The following ARHGAP10 variants were observed in gnomAD, a reference collection of about 807,000 sequenced individuals.
The protein encoded by ARHGAP10 is Rho GTPase activating protein 10.
A neutral mutation model predicts 108.6 loss-of-function variants in ARHGAP10; 87 were observed. The observed-to-expected ratio is 0.80, with a 90% CI of 0.67 to 0.96. The LOEUF is 0.96. Among genes scored for constraint, ARHGAP10 ranks in the 40% least tolerant of loss-of-function variants. ARHGAP10 has a pLI of 0.00. For synonymous variants in ARHGAP10, 347 were observed against 341.1 expected (o/e 1.02, Z -0.19); for missense variants, 939 against 954.5 (o/e 0.98, Z 0.21).
At position 147,737,237 on chromosome 4, in the gene ARHGAP10, G is replaced by A. The variant is rs563937559; in HGVS notation, c.154+4782G>A. Among the ~76,000 whole-genome samples, 6 of 152,106 alleles carry A rather than the reference G, an allele frequency of 3.9e-5. No homozygotes were observed. In the South Asian group the frequency reaches 1.0e-3, roughly 26 times the overall value. ...GCAATCTTGGCTCAGGGCAACCTCC[G>A]TCTCCCGGGTTCAAGTGATTCTTGT... On this transcript the variant is annotated intron_variant, in intron 1 of 22. Transcript: ENST00000336498.
intron 11 of ARHGAP10, among the ~76,000 whole-genome samples, chr4:147,908,030 G>A (rs1005813094): frequency 2.0e-5 from 3 of 152,148 alleles, no homozygotes; most frequent in African/African-American, 7.2e-5. Flanking sequence ...TTTTAGTAGA[G>A]ACAGGGTTTC....
intron 13 of ARHGAP10, among the ~76,000 whole-genome samples, chr4:147,921,752 G>A (rs11939997): frequency 0.14 from 21,073 of 152,004 alleles, 3,221 homozygotes; most frequent in African/African-American, 0.36. Context: ...TCATCCCACC[G>A]TTTTACCTCC....
intron 18 of ARHGAP10, among the ~76,000 whole-genome samples, chr4:147,988,832 G>A (rs1017594446): frequency 2.6e-5 from 4 of 152,174 alleles, no homozygotes; most frequent in African/African-American, 4.8e-5. Flanking sequence ...TGTCAGTGAT[G>A]CTGTGTTCCT....
intron 13 of ARHGAP10, among the ~76,000 whole-genome samples, chr4:147,924,749 G>A (rs901500849): frequency 2.0e-5 from 3 of 151,644 alleles, no homozygotes; most frequent in South Asian, 2.1e-4. Context: ...AACTCTGCCT[G>A]TAACCTCTCT....
intron 18 of ARHGAP10, among the ~76,000 whole-genome samples, chr4:148,018,804 G>A (rs1407727782): frequency 6.6e-6 from 1 of 152,172 alleles, no homozygotes; most frequent in Non-Finnish European, 1.5e-5. Context: ...TGGCAGCAGT[G>A]ACTTTGGAAT....
intron 18 of ARHGAP10, among the ~76,000 whole-genome samples, chr4:148,015,410 A>G (rs760565727): frequency 6.6e-6 from 1 of 152,178 alleles, no homozygotes; most frequent in Admixed American, 6.5e-5. Context: ...CAACTGTGAA[A>G]TAATGGGCTT....
chr4:147,910,119 C>T (rs1048202974), intron 12 of ARHGAP10, among the ~76,000 whole-genome samples: 1 of 151,842 alleles, frequency 6.6e-6, no homozygotes, highest in African/African-American at 2.4e-5. Flanking sequence ...GTGATCCTCC[C>T]ACTTCAGTCT....
intron 10 of ARHGAP10, among the ~76,000 whole-genome samples, chr4:147,882,139 A>G (rs1406291085): frequency 6.6e-6 from 1 of 151,942 alleles, no homozygotes; most frequent in Non-Finnish European, 1.5e-5. Flanking sequence ...TTTAGTTAGG[A>G]GTCATTCTAA....
rs1736827671 is a variant in ARHGAP10, at chr4:147,913,211, TCTTG to T, written c.1228+76_1228+79del. Reference sequence around the variant, plus strand: ...AAATCTAAAAGTCATTAAAAATACTTCTTGCTTTTAAGTGTTACAGAATGAAACG... The same window carrying T: ...AAATCTAAAAGTCATTAAAAATACTTCTTTTAAGTGTTACAGAATGAAACG... On this transcript the variant is annotated intron_variant, in intron 13 of 22. Coordinates refer to ENST00000336498, the MANE Select transcript of ARHGAP10 (RefSeq NM_024605.4). 4 of 1,388,146 alleles carry T rather than the reference TCTTG, an allele frequency of 2.9e-6. No homozygotes were observed. The South Asian group carries it at 3.6e-5, about 12-fold the overall frequency. 86.0% of individuals were successfully genotyped at this position (1,388,146 alleles called of 1,614,324 possible).
chr4:147,884,796 A>G (rs960789898), intron 10 of ARHGAP10, among the ~76,000 whole-genome samples: 2 of 152,230 alleles, frequency 1.3e-5, no homozygotes, highest in Non-Finnish European at 1.5e-5. Flanking sequence ...CAAGAGCCAG[A>G]GAGAGTGGGA....
chr4:147,868,244 T>G (rs28562405), intron 7 of ARHGAP10, among the ~76,000 whole-genome samples: 2 of 107,446 alleles, frequency 1.9e-5, no homozygotes, highest in Non-Finnish European at 3.5e-5. Context: ...GTTTTTTTTG[T>G]TTTTTTTTTT....
chr4:147,793,729 T>G (rs1731211249), intron 1 of ARHGAP10, among the ~76,000 whole-genome samples: 1 of 152,186 alleles, frequency 6.6e-6, no homozygotes, highest in East Asian at 1.9e-4. Context: ...CCATGGATCC[T>G]CCTCTGCTGA....
intron 18 of ARHGAP10, among the ~76,000 whole-genome samples, chr4:147,990,076 T>C (rs546089077): frequency 3.9e-5 from 6 of 152,246 alleles, no homozygotes; most frequent in Admixed American, 1.3e-4. Context: ...TTCAGCCTTC[T>C]GCCTGAATGA....
intron 3 of ARHGAP10, among the ~76,000 whole-genome samples, chr4:147,825,849 CTT>C (rs775634281): frequency 2.4e-4 from 36 of 152,262 alleles, no homozygotes; most frequent in Non-Finnish European, 3.7e-4. Context: ...CTATTGATCT[CTT>C]TTTATGTTCC....
chr4:147,855,655 A>G (rs1734055056), intron 4 of ARHGAP10, among the ~76,000 whole-genome samples: 1 of 151,790 alleles, frequency 6.6e-6, no homozygotes, highest in Non-Finnish European at 1.5e-5. Flanking sequence ...TTTTGGTAAG[A>G]AAACTTAGGT....
At position 147,946,010 on chromosome 4, in the gene ARHGAP10, C is replaced by T. The variant is rs182145324; in HGVS notation, c.1304-607C>T. ...GTAGCTCCACCCTGTTCCCCCAGTG[C>T]GCGTGTGGGCCCTTAGTCTAAGCCA... On this transcript the variant is annotated intron_variant, in intron 14 of 22. Transcript: ENST00000336498. 5.9e-5 allele frequency among the ~76,000 whole-genome samples: 9 copies of T among 152,284 alleles called. No individual in the cohort carries two copies. The East Asian group carries it at 9.6e-4, about 16-fold the overall frequency.
intron 22 of ARHGAP10, among the ~76,000 whole-genome samples, chr4:148,068,730 T>C (rs1027436940): frequency 5.3e-5 from 8 of 152,216 alleles, no homozygotes; most frequent in African/African-American, 1.9e-4. Flanking sequence ...AGCCTCCCTG[T>C]GGGTCCTGTG....
rs150971337 is a variant in ARHGAP10 at position 147,752,625 on chromosome 4, T to G, written c.154+20170T>G. On this transcript the variant is annotated intron_variant, in intron 1 of 22. Transcript: ENST00000336498. ...TCACTGCAACCTCCACCTCCTGGGCTCAAGTGATTCTTGTGCCTCAGCCTC... is the reference window on the plus strand; with the variant it reads ...TCACTGCAACCTCCACCTCCTGGGCGCAAGTGATTCTTGTGCCTCAGCCTC... Among the ~76,000 whole-genome samples, 379 of 152,096 alleles carry G rather than the reference T, an allele frequency of 2.5e-3. 8 individuals carry two copies. Among genetic ancestry groups the G allele is most frequent in the Admixed American group, 0.02 (299 of 15,256 alleles).
intron 1 of ARHGAP10, among the ~76,000 whole-genome samples, chr4:147,766,496 G>T (rs1226799614): frequency 6.6e-6 from 1 of 151,542 alleles, no homozygotes; most frequent in Non-Finnish European, 1.5e-5. Flanking sequence ...ATTGCAGTCA[G>T]TTGAATCCAT....
Sources: allele counts gnomAD v4.1 joint callset (sites outside exome capture counted in the v4.1 genomes callset), GRCh38; gene constraint gnomAD v4.1.1; transcripts MANE v1.5; gene names NCBI Gene and HGNC (gene_info 2026-07-23, HGNC 2026-07-21).